Variants in ABCD3 observed in about 807,000 individuals in gnomAD.
ABCD3 encodes ATP binding cassette subfamily D member 3.
Under a neutral mutation model 105.5 loss-of-function variants are expected in ABCD3, and 41 were observed. The ratio of observed to expected loss-of-function variants is 0.39; its 90% CI spans 0.30 to 0.50. The LOEUF is 0.50. ABCD3 is among the 20% of genes least tolerant of loss of function. The pLI is 0.84. For synonymous variants in ABCD3, 258 were observed against 269.0 expected (o/e 0.96, Z 0.40); for missense variants, 622 against 806.3 (o/e 0.77, Z 2.77).
chr1:94,440,471 C>G (rs1660091600), intron 1 of ABCD3, among the ~76,000 whole-genome samples: 1 of 152,148 alleles, frequency 6.6e-6, no homozygotes, highest in Admixed American at 6.5e-5. Context: ...AATTTTGAGT[C>G]TTCAAGGGTC....
intron 20 of ABCD3, among the ~76,000 whole-genome samples, chr1:94,502,479 A>T (rs550752486): frequency 3.0e-4 from 45 of 147,724 alleles, no homozygotes; most frequent in African/African-American, 1.1e-3. Flanking sequence ...TGAGGTAAGA[A>T]CTGGGAATGC....
At chr1:94,448,676 ACGTC>A (rs1184037113) in intron 1 of ABCD3, among the ~76,000 whole-genome samples, 1 of 152,212 alleles carries the variant, frequency 6.6e-6, no homozygotes, top group Non-Finnish European at 1.5e-5. Flanking sequence ...CCTGTGTTAA[ACGTC>A]ACCTTTTGCA....
At chr1:94,495,533 TAAAGA>T (rs1383360370) in intron 16 of ABCD3, among the ~76,000 whole-genome samples, 1 of 152,164 alleles carries the variant, frequency 6.6e-6, no homozygotes, top group Non-Finnish European at 1.5e-5. Context: ...TGCCGTGAAG[TAAAGA>T]AAAGTGAATG....
intron 21 of ABCD3, among the ~76,000 whole-genome samples, chr1:94,509,858 T>C (rs1292086908): frequency 6.6e-6 from 1 of 152,130 alleles, no homozygotes; most frequent in Non-Finnish European, 1.5e-5. Context: ...TTTTTTATTG[T>C]GTCTATTTGA....
intron 8 of ABCD3, among the ~76,000 whole-genome samples, chr1:94,480,045 T>C (rs1031242140): frequency 2.6e-5 from 4 of 151,558 alleles, no homozygotes; most frequent in African/African-American, 4.9e-5. Context: ...AGGTATAGAT[T>C]TGAGATGAGA....
upstream of ABCD3, among the ~76,000 whole-genome samples, chr1:94,414,433 C>T (rs533384031): frequency 3.3e-5 from 5 of 152,176 alleles, no homozygotes; most frequent in Non-Finnish European, 7.3e-5. Flanking sequence ...CCCTGACTCA[C>T]ATGGTCACTA....
At chr1:94,499,076 A>C in intron 19 of ABCD3, 42 bp downstream of exon 19, 2 of 1,494,518 alleles carry the variant, frequency 1.3e-6, no homozygotes, top group Non-Finnish European at 9.3e-7. Context: ...AAAATACTCC[A>C]GATTATTTAT....
the ABCD3 span, among the ~76,000 whole-genome samples, chr1:94,401,625 A>G: frequency 1.3e-5 from 2 of 152,142 alleles, no homozygotes; most frequent in Non-Finnish European, 2.9e-5. Flanking sequence ...TTTCTTTCAT[A>G]TTTTTAGATA....
intron 4 of ABCD3, among the ~76,000 whole-genome samples, chr1:94,473,130 G>A (rs1648565320): frequency 6.6e-6 from 1 of 152,114 alleles, no homozygotes; most frequent in Non-Finnish European, 1.5e-5. Flanking sequence ...TCTGATCTAT[G>A]CGTTAGTCCC....
At chr1:94,488,536 G>A (rs1341076479) in intron 13 of ABCD3, among the ~76,000 whole-genome samples, 1 of 151,960 alleles carries the variant, frequency 6.6e-6, no homozygotes, top group Non-Finnish European at 1.5e-5. Flanking sequence ...AATATAAAGG[G>A]CATGGTATGG....
In ABCD3 at chr1:94,426,846, GA is replaced by G. The variant is rs1338606545; in HGVS notation, c.110+8260del. 4.3e-5 allele frequency among the ~76,000 whole-genome samples: 4 copies of G among 92,956 alleles called. No homozygotes were observed. The East Asian group carries it at 1.3e-3, about 30-fold the overall frequency. 61.0% of individuals were successfully genotyped at this position (92,956 alleles called of 152,430 possible). A position where few individuals can be genotyped will look rare whatever the true frequency, so the allele number is the denominator to read the frequency against. The stretch of plus-strand genomic sequence containing the variant: ...AGGTGAGAGCTACCGCGCCCAGCCT[GA>G]ATTTTTTTTTTTTTTTTTTTTTTTA... On this transcript the variant is annotated intron_variant, in intron 1 of 22. Transcript: ENST00000370214.
chr1:94,458,870 T>G (rs991664799), intron 2 of ABCD3, among the ~76,000 whole-genome samples: 3 of 150,996 alleles, frequency 2.0e-5, no homozygotes, highest in African/African-American at 7.3e-5. Context: ...TGATATTAGT[T>G]TCCCCCCCTC....
chr1:94,446,472 A>G (rs1660349553), intron 1 of ABCD3, among the ~76,000 whole-genome samples: 1 of 152,248 alleles, frequency 6.6e-6, no homozygotes, highest in Non-Finnish European at 1.5e-5. Context: ...AGAAATTCAA[A>G]TTGTTACATC....
intron 1 of ABCD3, among the ~76,000 whole-genome samples, chr1:94,446,002 C>G (rs1329462545): frequency 6.6e-6 from 1 of 152,044 alleles, no homozygotes; most frequent in Non-Finnish European, 1.5e-5. Flanking sequence ...ACTCAGTTTC[C>G]TGGAGCTTGT....
At chr1:94,392,032 T>A in the ABCD3 span, among the ~76,000 whole-genome samples, 25 of 151,698 alleles carry the variant, frequency 1.6e-4, no homozygotes, top group African/African-American at 4.6e-4. Flanking sequence ...AAAGTTGGGG[T>A]TTTTTCTTTA....
Position 94,487,899 on chromosome 1 carries a change from A to G in ABCD3, c.1073A>G (p.Tyr358Cys), listed in dbSNP as rs1649348340. 3 of 1,613,478 alleles carry G rather than the reference A, an allele frequency of 1.9e-6. No individual in the cohort carries two copies. Among genetic ancestry groups the G allele is most frequent in the Non-Finnish European group, 1.7e-6 (2 of 1,179,498 alleles). Residue 358 changes from tyrosine (Y) to cysteine (C), a missense_variant, in exon 13 of 23, where the codon TAC becomes TGC. Transcript: ENST00000370214. ...TATTTATTTCTATTTAAGGATTACTACCAAAGTGGAAGAATGCTTTTGCGA... is the reference window on the plus strand; with the variant it reads ...TATTTATTTCTATTTAAGGATTACTGCCAAAGTGGAAGAATGCTTTTGCGA... ...STHSELLEDY[Y>C]QSGRMLLRMS...
rs779387280 is a variant in ABCD3 at position 94,467,942 on chromosome 1, T to C, written c.270T>C (p.Ala90=). 6.2e-7 allele frequency: 1 copy of C among 1,613,292 alleles called. No individual in the cohort carries two copies. The highest frequency in any genetic ancestry group is 1.1e-5 in the South Asian group (1 of 91,058). ...AGACAGGTTACTTGGTACTTATTGCTGTTATGCTGGTGTCTCGAACATATT... is the reference window on the plus strand; with the variant it reads ...AGACAGGTTACTTGGTACTTATTGCCGTTATGCTGGTGTCTCGAACATATT... ...CKETGYLVLI[A]VMLVSRTYCD... Residue 90 remains alanine (A), a synonymous_variant, in exon 4 of 23, where the codon GCT becomes GCC. Transcript: ENST00000370214.
intron 9 of ABCD3, among the ~76,000 whole-genome samples, 197 bp downstream of exon 9, chr1:94,480,803 T>C (rs1429584556): frequency 6.6e-6 from 1 of 152,196 alleles, no homozygotes; most frequent in African/African-American, 2.4e-5. Context: ...TTACTAACCA[T>C]GTAGTATTCC....
At chr1:94,498,733 C>T (rs761878998) in intron 17 of ABCD3, 50 bp from the exon 18 acceptor site, 6 of 1,612,560 alleles carry the variant, frequency 3.7e-6, no homozygotes, top group Non-Finnish European at 5.1e-6. Context: ...ATACTGTCTA[C>T]CACTTTGTAA....
Sources: allele counts gnomAD v4.1 joint callset (sites outside exome capture counted in the v4.1 genomes callset), GRCh38; gene constraint gnomAD v4.1.1; transcripts MANE v1.5; gene names NCBI Gene and HGNC (gene_info 2026-07-23, HGNC 2026-07-21).